Variants in CFAP46 observed in about 807,000 individuals in gnomAD.
The protein encoded by CFAP46 is cilia- and flagella-associated protein 46.
CFAP46 carries 245 observed loss-of-function variants against 325.7 expected under a neutral mutation model. The ratio of observed to expected loss-of-function variants is 0.75; its 90% CI spans 0.68 to 0.84. The LOEUF (loss-of-function observed/expected upper bound fraction) is 0.84. Among genes scored for constraint, CFAP46 ranks in the 40% least tolerant of loss-of-function variants. The pLI, the probability that CFAP46 is intolerant of heterozygous loss-of-function variation, is 0.00. For synonymous variants in CFAP46, 1,523 were observed against 1,495.9 expected (o/e 1.02, Z -0.42); for missense variants, 3,346 against 3,543.0 (o/e 0.94, Z 1.41).
intron 11 of CFAP46, among the ~76,000 whole-genome samples, chr10:132,924,282 C>T (rs556630844): frequency 1.1e-4 from 16 of 152,078 alleles, no homozygotes; most frequent in South Asian, 4.1e-4. Context: ...CCTGCTGCCA[C>T]GCTGGCCCCT....
At chr10:132,812,142 A>G (rs1055966022) in intron 55 of CFAP46, among the ~76,000 whole-genome samples, 1 of 152,176 alleles carries the variant, frequency 6.6e-6, no homozygotes, top group Admixed American at 6.5e-5. Flanking sequence ...GCGGTGTCCG[A>G]GTGGCTGCGC....
At chr10:132,810,288 C>G (rs535226537) in intron 57 of CFAP46, 121 bp downstream of exon 57, 1 of 844,108 alleles carries the variant, frequency 1.2e-6, no homozygotes, top group East Asian at 2.4e-5. Flanking sequence ...TCTGGAGTCC[C>G]AGGTCCCCCA....
intron 25 of CFAP46, among the ~76,000 whole-genome samples, chr10:132,887,716 CCT>C (rs1428465213): frequency 1.8e-5 from 2 of 113,050 alleles, no homozygotes; most frequent in East Asian, 6.3e-4. Flanking sequence ...TCTCTCCGCT[CCT>C]CTCTCTCTCC....
chr10:132,929,875 C>T, intron 8 of CFAP46, 71 bp from the exon 9 acceptor site: 2 of 1,064,254 alleles, frequency 1.9e-6, no homozygotes, highest in Non-Finnish European at 1.4e-6. Context: ...GGCGAGAATC[C>T]ATGTCCCCCG....
At chr10:132,811,411 G>A (rs972228830) in intron 55 of CFAP46, among the ~76,000 whole-genome samples, 3 of 152,218 alleles carry the variant, frequency 2.0e-5, no homozygotes, top group Admixed American at 6.5e-5. Context: ...CCCCAAGGAC[G>A]GAGGGACAGG....
chr10:132,850,265 G>C lies in CFAP46; in HGVS notation c.5931C>G (p.Cys1977Trp). 6.4e-7 allele frequency: 1 copy of C among 1,550,788 alleles called. No individual in the cohort carries two copies. Among genetic ancestry groups the C allele is most frequent in the Non-Finnish European group, 8.7e-7 (1 of 1,146,930 alleles). ...AMQADPVHPT[C>W]YWEAGPSVGA... Reference sequence around the variant, plus strand: ...CTACCGAGGGGCCCGCCTCCCAGTAGCAGGTAGGGTGCACAGGGTCAGCTT... The same window carrying C: ...CTACCGAGGGGCCCGCCTCCCAGTACCAGGTAGGGTGCACAGGGTCAGCTT... The change falls in exon 41 of 58, where the codon TGC becomes TGG. Residue 1977 changes from cysteine to tryptophan, a missense_variant. By Grantham distance (215) the Cys-to-Trp change is radical (BLOSUM62 -2). Coordinates refer to ENST00000368586, the MANE Select transcript of CFAP46 (RefSeq NM_001200049.3).
Position 132,854,368 on chromosome 10 carries a change from G to T in CFAP46, c.5575-3063C>A, listed in dbSNP as rs562717793. Among the ~76,000 whole-genome samples the T allele has an allele frequency of 3.4e-4, 49 of 143,502 alleles. No individual in the cohort carries two copies. The South Asian group carries it at 0.01, about 31-fold the overall frequency. The allele number at this position is 143,502 out of a possible 152,430, so 94.1% of individuals were successfully genotyped here. On this transcript the variant is annotated intron_variant, in intron 39 of 57. Transcript: ENST00000368586. ...TTGTTTTGTTTTGAGATGGAGTTTC[G>T]CTCTGTCGCCCAGGCTGGAGTGCAG...
At chr10:132,899,716 G>A in intron 22 of CFAP46, 50 bp from the exon 23 acceptor site, 3 of 1,520,486 alleles carry the variant, frequency 2.0e-6, no homozygotes, top group Non-Finnish European at 2.7e-6. Context: ...CCCACCTTGG[G>A]TCCTCCCTCC....
intron 50 of CFAP46, among the ~76,000 whole-genome samples, chr10:132,825,090 CTGTG>C (rs1166630871): frequency 1.2e-4 from 15 of 127,280 alleles, no homozygotes; most frequent in Non-Finnish European, 2.1e-4. Flanking sequence ...CTGATGTGTG[CTGTG>C]TGAGTGCTGA....
At chr10:132,938,453 C>T (rs1437460745) in intron 5 of CFAP46, 136 bp downstream of exon 5, 5 of 844,518 alleles carry the variant, frequency 5.9e-6, no homozygotes, top group Non-Finnish European at 7.4e-6. Flanking sequence ...AAACTTGTGA[C>T]TGTGGGAGAG....
chr10:132,922,948 G>A (rs1180375092), intron 11 of CFAP46, among the ~76,000 whole-genome samples: 1 of 152,256 alleles, frequency 6.6e-6, no homozygotes, highest in African/African-American at 2.4e-5. Context: ...CACGACGGCA[G>A]CCCCTGGAAG....
intron 25 of CFAP46, among the ~76,000 whole-genome samples, chr10:132,890,395 A>G (rs949887509): frequency 3.3e-5 from 5 of 152,166 alleles, no homozygotes; most frequent in African/African-American, 4.8e-5. Flanking sequence ...ACCAGGCTGC[A>G]CCCTGGACAC....
At chr10:132,870,422 G>A (rs1317056949) in intron 32 of CFAP46, among the ~76,000 whole-genome samples, 36 of 152,220 alleles carry the variant, frequency 2.4e-4, no homozygotes, top group Admixed American at 2.4e-3. Context: ...CGCGTCAGAA[G>A]TGGAGACAGA....
chr10:132,862,729 G>A (rs915189576), intron 35 of CFAP46, among the ~76,000 whole-genome samples: 5 of 151,864 alleles, frequency 3.3e-5, no homozygotes, highest in East Asian at 2.0e-4. Context: ...AGAGCCCCGC[G>A]GAGGAGAGAC....
Position 132,924,731 on chromosome 10 carries a change from CA to C in CFAP46, c.1220del (p.Leu407ArgfsTer15). 1 of 1,539,722 alleles carries C rather than the reference CA, an allele frequency of 6.5e-7. No homozygotes were observed. ...HNLRHHLRKP[L>X]AGVADVLEKL... ...TCTCCAGCACGTCCGCAACGCCAGCCAGGGGCTTCCGCAGGTGGTGCCGCAG... is the reference window on the plus strand; with the variant it reads ...TCTCCAGCACGTCCGCAACGCCAGCCGGGGCTTCCGCAGGTGGTGCCGCAG... On this transcript the variant is annotated frameshift_variant, in exon 11 of 58. Transcript: ENST00000368586. LOFTEE classifies it high-confidence loss of function.
intron 49 of CFAP46, among the ~76,000 whole-genome samples, chr10:132,833,764 C>A (rs1001390811): frequency 6.6e-6 from 1 of 152,198 alleles, no homozygotes; most frequent in African/African-American, 2.4e-5. Flanking sequence ...GCGGGGCTGA[C>A]AATCCACCCA....
At chr10:132,850,044 CTG>C (rs1848510088) in intron 41 of CFAP46, among the ~76,000 whole-genome samples, 198 bp downstream of exon 41, 1 of 152,226 alleles carries the variant, frequency 6.6e-6, no homozygotes, top group African/African-American at 2.4e-5. Flanking sequence ...TCCACAGACA[CTG>C]TGTTTCCCTC....
chr10:132,929,894 G>C (rs1388609554), intron 8 of CFAP46, 90 bp from the exon 9 acceptor site: 80 of 876,808 alleles, frequency 9.1e-5, no homozygotes, highest in South Asian at 3.1e-4. Context: ...CGTTCAAGCA[G>C]AAGCAGGAAA....
chr10:132,824,453 CTGTGTGCTGA>C (rs1847987601), intron 50 of CFAP46, among the ~76,000 whole-genome samples: 1 of 103,782 alleles, frequency 9.6e-6, no homozygotes, highest in African/African-American at 3.9e-5. Flanking sequence ...CTGATGTGTG[CTGTGTGCTGA>C]TGTGTGCTGT....
Sources: allele counts gnomAD v4.1 joint callset (sites outside exome capture counted in the v4.1 genomes callset), GRCh38; gene constraint gnomAD v4.1.1; transcripts MANE v1.5; gene names NCBI Gene and HGNC (gene_info 2026-07-23, HGNC 2026-07-21).